The following KDM4B variants were observed in gnomAD, a reference collection of about 807,000 sequenced individuals.
KDM4B encodes lysine-specific demethylase 4B.
KDM4B carries 32 observed loss-of-function variants against 125.2 expected under a neutral mutation model. The ratio of observed to expected loss-of-function variants is 0.26; its 90% CI spans 0.19 to 0.34. KDM4B has a LOEUF of 0.34. KDM4B is among the 10% of genes least tolerant of loss of function. KDM4B has a pLI of 1.00. For synonymous variants in KDM4B, 721 were observed against 677.9 expected, an observed-to-expected ratio of 1.06 and a Z score of -0.99; for missense variants, 1,190 against 1,577.7, an observed-to-expected ratio of 0.75 and a Z score of 4.16.
chr19:5,026,553 C>T (rs2036284717), intron 2 of KDM4B, among the ~76,000 whole-genome samples: 1 of 152,082 alleles, frequency 6.6e-6, no homozygotes, highest in South Asian at 2.1e-4. Flanking sequence ...AGATTGGGCC[C>T]CGTCTCGTCC....
In KDM4B at chr19:5,134,364, G is replaced by A. The variant is rs1473466138; in HGVS notation, c.2085+303G>A. Among the ~76,000 whole-genome samples, 4 of 152,194 alleles carry A rather than the reference G, an allele frequency of 2.6e-5. No individual in the cohort carries two copies. In the East Asian group the frequency reaches 7.7e-4, roughly 29 times the overall value. On this transcript the variant is annotated intron_variant, in intron 14 of 22. Coordinates refer to ENST00000159111, the MANE Select transcript of KDM4B (RefSeq NM_015015.3). ...GCCCGTGTCTGGTGGGCGCTGAGAT[G>A]GGCCGGGTGGTGTGGGAGTGCAGTG...
At chr19:5,010,381 C>T (rs993023739) in intron 1 of KDM4B, among the ~76,000 whole-genome samples, 5 of 152,160 alleles carry the variant, frequency 3.3e-5, no homozygotes, top group African/African-American at 9.7e-5. Context: ...TGGTGTTGAC[C>T]GTGGCCGCCT....
intron 8 of KDM4B, chr19:5,080,848 A>G (rs2038269989): frequency 6.6e-6 from 1 of 152,234 alleles, no homozygotes; most frequent in Admixed American, 6.5e-5. Flanking sequence ...TCCACGCGCA[A>G]CCGAGTACTG....
intron 21 of KDM4B, among the ~76,000 whole-genome samples, chr19:5,147,618 C>A (rs2146114565): frequency 6.6e-6 from 1 of 151,838 alleles, no homozygotes; most frequent in African/African-American, 2.4e-5. Context: ...TGGCACGCAC[C>A]TTTAGTCCCA....
At chr19:5,140,390 C>T (rs1184683287) in intron 18 of KDM4B, 1 of 152,518 alleles carries the variant, frequency 6.6e-6, no homozygotes, top group East Asian at 1.9e-4. Flanking sequence ...AAATGACACT[C>T]AGCTGGCCCT....
intron 15 of KDM4B, 24 bp downstream of exon 15, chr19:5,135,585 A>G: frequency 6.4e-7 from 1 of 1,551,352 alleles, no homozygotes; most frequent in Non-Finnish European, 8.7e-7. Flanking sequence ...TGGGGCCCAG[A>G]GGAGCTGCGC....
chr19:5,080,978 A>C (rs1207044120), intron 8 of KDM4B: 2 of 152,188 alleles, frequency 1.3e-5, no homozygotes, highest in Non-Finnish European at 2.9e-5. Flanking sequence ...ATTCATGTGA[A>C]CCACTAGGAG....
At chr19:5,084,719 C>T (rs964026686) in intron 9 of KDM4B, among the ~76,000 whole-genome samples, 4 of 150,406 alleles carry the variant, frequency 2.7e-5, no homozygotes, top group South Asian at 2.1e-4. Context: ...GAGGCTGAGG[C>T]GGGAGGATCT....
chr19:5,129,834 A>G (rs1353169311), intron 11 of KDM4B, among the ~76,000 whole-genome samples: 1 of 152,204 alleles, frequency 6.6e-6, no homozygotes, highest in African/African-American at 2.4e-5. Context: ...TGGGGTCCAC[A>G]GTGTGCTGTG....
At chr19:5,038,984 C>A (rs962440825) in intron 3 of KDM4B, among the ~76,000 whole-genome samples, 3 of 152,250 alleles carry the variant, frequency 2.0e-5, no homozygotes, top group African/African-American at 7.2e-5. Flanking sequence ...TGGGTCTCAG[C>A]CAAGTGGAGC....
At chr19:5,093,123 G>C (rs925520862) in intron 9 of KDM4B, among the ~76,000 whole-genome samples, 3 of 152,232 alleles carry the variant, frequency 2.0e-5, no homozygotes, top group Non-Finnish European at 2.9e-5. Context: ...ACAGAAGCAG[G>C]ACTGCTGTGG....
chr19:5,123,022 C>T (rs1568311412), intron 11 of KDM4B, among the ~76,000 whole-genome samples: 1 of 152,240 alleles, frequency 6.6e-6, no homozygotes, highest in African/African-American at 2.4e-5. Context: ...TGGAGAGACC[C>T]CCTGCTGGTG....
intron 1 of KDM4B, among the ~76,000 whole-genome samples, chr19:4,990,814 AT>A (rs1319414195): frequency 1.3e-5 from 2 of 151,850 alleles, no homozygotes; most frequent in East Asian, 3.9e-4. Context: ...TCCCTTTATT[AT>A]TTTTTTTAAA....
At chr19:5,100,405 TTTGTTG>T (rs141464434) in intron 9 of KDM4B, among the ~76,000 whole-genome samples, 4 of 152,174 alleles carry the variant, frequency 2.6e-5, no homozygotes, top group East Asian at 1.9e-4. Flanking sequence ...CTTTTTTGTT[TTTGTTG>T]TTGTTGTTGT....
chr19:5,012,744 C>T (rs866496437), intron 1 of KDM4B, among the ~76,000 whole-genome samples: 1 of 152,196 alleles, frequency 6.6e-6, no homozygotes. Flanking sequence ...AGCGTCAGGA[C>T]GTGGGCCATC....
At chr19:4,981,184 C>T (rs1416736153) in intron 1 of KDM4B, among the ~76,000 whole-genome samples, 1 of 152,156 alleles carries the variant, frequency 6.6e-6, no homozygotes, top group Non-Finnish European at 1.5e-5. Flanking sequence ...TGTGTCTCCG[C>T]TCCATGGGGC....
chr19:5,087,568 G>A (rs1226757275), intron 9 of KDM4B, among the ~76,000 whole-genome samples: 3 of 152,202 alleles, frequency 2.0e-5, no homozygotes, highest in African/African-American at 4.8e-5. Context: ...CTTTCTGGGG[G>A]GTGGGGTAGG....
At chr19:4,975,500 A>G (rs1206318842) in intron 1 of KDM4B, among the ~76,000 whole-genome samples, 3 of 152,126 alleles carry the variant, frequency 2.0e-5, no homozygotes, top group South Asian at 2.1e-4. Context: ...ACGGAAAGCT[A>G]TGGAAACCAT....
At chr19:5,125,236 C>A (rs2039428827) in intron 11 of KDM4B, among the ~76,000 whole-genome samples, 1 of 152,064 alleles carries the variant, frequency 6.6e-6, no homozygotes, top group Admixed American at 6.5e-5. Flanking sequence ...TTCCCAAGCC[C>A]ACTGACGAGA....
Sources: gnomAD v4.1 joint callset for allele counts (sites outside exome capture counted in the v4.1 genomes callset) on GRCh38, gnomAD v4.1.1 for gene constraint, MANE v1.5 for transcripts, NCBI Gene and HGNC (gene_info 2026-07-23, HGNC 2026-07-21) for gene names.